Variants in NCOA1 observed in about 807,000 individuals in gnomAD.
NCOA1 encodes nuclear receptor coactivator 1, also known as Hin-2 protein.
Under a neutral mutation model 150.9 loss-of-function variants are expected in NCOA1, and 35 were observed. That is an observed-to-expected ratio of 0.23 (90% CI 0.18 to 0.31). The LOEUF is 0.31. Among genes scored for constraint, NCOA1 ranks in the 10% least tolerant of loss-of-function variants. The probability of loss-of-function intolerance (pLI) is 1.00; values close to 1 mark genes in which losing one functional copy is unlikely to be tolerated. For synonymous variants in NCOA1, 590 were observed against 630.0 expected, an observed-to-expected ratio of 0.94 and a Z score of 0.95; for missense variants, 1,491 against 1,749.3, an observed-to-expected ratio of 0.85 and a Z score of 2.63.
intron 3 of NCOA1, among the ~76,000 whole-genome samples, chr2:24,602,176 G>A (rs1449114566): frequency 1.3e-5 from 2 of 152,232 alleles, no homozygotes; most frequent in Admixed American, 1.3e-4. Context: ...ATAGCAACAA[G>A]TAATTGGATT....
chr2:24,658,761 A>G lies in NCOA1; in HGVS notation c.84A>G (p.Ala28=), dbSNP rs1671055075. The G allele has an allele frequency of 6.2e-7, 1 of 1,613,890 alleles. No homozygotes were observed. Among genetic ancestry groups the G allele is most frequent in the Non-Finnish European group, 8.5e-7 (1 of 1,179,752 alleles). The part of the protein sequence containing the change: ...KRKGSPCDTL[A]SSTEKRRREQ... The stretch of plus-strand genomic sequence containing the variant: ...AAGGATCGCCATGTGACACACTGGC[A>G]TCAAGGTAGGAACACTCCTCTTAGT... The change falls in exon 5 of 23, where the codon GCA becomes GCG. Residue 28 remains alanine, a synonymous_variant. Transcript: ENST00000348332.
At chr2:24,519,691 C>T (rs1286568782) in intron 1 of NCOA1, among the ~76,000 whole-genome samples, 3 of 149,074 alleles carry the variant, frequency 2.0e-5, no homozygotes, top group African/African-American at 4.9e-5. Flanking sequence ...TTAGGTGGTG[C>T]ATGCCTAATT....
At chr2:24,554,028 T>C (rs1054453055) in intron 1 of NCOA1, among the ~76,000 whole-genome samples, 1 of 152,228 alleles carries the variant, frequency 6.6e-6, no homozygotes, top group Non-Finnish European at 1.5e-5. Flanking sequence ...CTTTAATAGC[T>C]ATAAAATCTC....
chr2:24,728,157 A>C, intron 15 of NCOA1, 151 bp from the exon 16 acceptor site: 1 of 525,768 alleles, frequency 1.9e-6, no homozygotes, highest in Non-Finnish European at 3.2e-6. Context: ...ATTTCTACAC[A>C]TTAAACATAG....
chr2:24,688,778 T>G (rs1488563340), intron 8 of NCOA1, among the ~76,000 whole-genome samples: 1 of 152,250 alleles, frequency 6.6e-6, no homozygotes, highest in Non-Finnish European at 1.5e-5. Flanking sequence ...TTTTTGCTTT[T>G]GTTTTGATCA....
chr2:24,666,121 C>T (rs1056318828), intron 6 of NCOA1, among the ~76,000 whole-genome samples: 1 of 151,720 alleles, frequency 6.6e-6, no homozygotes, highest in Non-Finnish European at 1.5e-5. Context: ...ACACCATTCT[C>T]CTGCCTCAGC....
chr2:24,492,049 C>T (rs1227055430), intron 1 of NCOA1: 1 of 152,044 alleles, frequency 6.6e-6, no homozygotes, highest in African/African-American at 2.4e-5. Flanking sequence ...CCGGCCCGCT[C>T]ACCTCTCGGA....
chr2:24,609,399 A>G (rs1364594526), intron 3 of NCOA1, among the ~76,000 whole-genome samples: 1 of 152,158 alleles, frequency 6.6e-6, no homozygotes, highest in Non-Finnish European at 1.5e-5. Context: ...TCTCCCTTTC[A>G]TTTATAATTA....
intron 10 of NCOA1, among the ~76,000 whole-genome samples, chr2:24,693,642 T>C (rs1672769825): frequency 6.6e-6 from 1 of 152,176 alleles, no homozygotes; most frequent in South Asian, 2.1e-4. Flanking sequence ...TGAGAAGATA[T>C]AGATATGTAA....
In NCOA1 at chr2:24,706,071, C is replaced by T. The variant is rs1673411134; in HGVS notation, c.1098-497C>T. ...ATATCACTCTTTTTAATTTTTACAT[C>T]AGTGACACAGTATTTTCCTTACCCA... On this transcript the variant is annotated intron_variant, in intron 12 of 22. Transcript: ENST00000348332. 3.3e-5 allele frequency among the ~76,000 whole-genome samples: 5 copies of T among 152,032 alleles called. No homozygotes were observed. In the South Asian group the frequency reaches 1.0e-3, roughly 32 times the overall value.
intron 1 of NCOA1, among the ~76,000 whole-genome samples, chr2:24,508,454 A>C (rs780880852): frequency 1.1e-4 from 16 of 152,078 alleles, no homozygotes; most frequent in Non-Finnish European, 1.8e-4. Flanking sequence ...GAATGTCCCA[A>C]AGTCTAGAAT....
At chr2:24,508,507 C>G (rs1009127813) in intron 1 of NCOA1, among the ~76,000 whole-genome samples, 1 of 151,942 alleles carries the variant, frequency 6.6e-6, no homozygotes, top group Non-Finnish European at 1.5e-5. Flanking sequence ...AATCACTTCC[C>G]CAAGCAGATG....
At chr2:24,681,451 C>G (rs1445086969) in intron 7 of NCOA1, among the ~76,000 whole-genome samples, 1 of 152,138 alleles carries the variant, frequency 6.6e-6, no homozygotes, top group Non-Finnish European at 1.5e-5. Flanking sequence ...ATTATACAAG[C>G]TATTCAGGTC....
chr2:24,513,177 C>T (rs1172344602), intron 1 of NCOA1, among the ~76,000 whole-genome samples: 1 of 152,158 alleles, frequency 6.6e-6, no homozygotes. Context: ...ACCTTCTGCC[C>T]AACTTAGATC....
chr2:24,554,887 C>G (rs1666011078), intron 1 of NCOA1, among the ~76,000 whole-genome samples: 5 of 152,150 alleles, frequency 3.3e-5, no homozygotes, highest in Admixed American at 2.6e-4. Flanking sequence ...TTGGAGTCCG[C>G]TTCTCTACTT....
intron 1 of NCOA1, among the ~76,000 whole-genome samples, chr2:24,531,653 G>A (rs1664907264): frequency 6.6e-6 from 1 of 152,108 alleles, no homozygotes; most frequent in African/African-American, 2.4e-5. Flanking sequence ...GTCCTGCCCT[G>A]TGTCCAAGTG....
intron 14 of NCOA1, among the ~76,000 whole-genome samples, chr2:24,711,739 C>G (rs1303557257): frequency 6.6e-6 from 1 of 152,144 alleles, no homozygotes; most frequent in East Asian, 1.9e-4. Flanking sequence ...TAGCATTTTC[C>G]TAGTTGAGAG....
At chr2:24,511,935 T>C (rs1663951973) in intron 1 of NCOA1, among the ~76,000 whole-genome samples, 1 of 152,222 alleles carries the variant, frequency 6.6e-6, no homozygotes, top group Admixed American at 6.5e-5. Flanking sequence ...AAAAGCTCAT[T>C]ATATTCCAAA....
intron 17 of NCOA1, among the ~76,000 whole-genome samples, chr2:24,738,397 G>A (rs1183812196): frequency 6.6e-6 from 1 of 152,056 alleles, no homozygotes; most frequent in African/African-American, 2.4e-5. Context: ...TATTGAAGAA[G>A]AAATGTTTTA....
Sources: gnomAD v4.1 joint callset for allele counts (sites outside exome capture counted in the v4.1 genomes callset) on GRCh38, gnomAD v4.1.1 for gene constraint, MANE v1.5 for transcripts, NCBI Gene and HGNC (gene_info 2026-07-23, HGNC 2026-07-21) for gene names.